CNTNAP5: variants seen among roughly 807,000 people sequenced by gnomAD.
CNTNAP5 encodes contactin associated protein family member 5, also known as contactin-associated protein-like 5.
Under a neutral mutation model 150.2 loss-of-function variants are expected in CNTNAP5, and 72 were observed. The ratio of observed to expected loss-of-function variants is 0.48; its 90% CI spans 0.40 to 0.58. The LOEUF is 0.58. Among genes scored for constraint, CNTNAP5 ranks in the 20% least tolerant of loss-of-function variants. The pLI, the probability that CNTNAP5 is intolerant of heterozygous loss-of-function variation, is 0.00. For missense variants in CNTNAP5, 1,636 were observed against 1,626.2 expected, an observed-to-expected ratio of 1.01 and a Z score of -0.10; for synonymous variants, 672 against 619.8, an observed-to-expected ratio of 1.08 and a Z score of -1.25.
intron 3 of CNTNAP5, among the ~76,000 whole-genome samples, chr2:124,291,456 T>G (rs1688291037): frequency 6.7e-6 from 1 of 149,506 alleles, no homozygotes; most frequent in African/African-American, 2.4e-5. Flanking sequence ...TTTTATCTAT[T>G]TAGAAACTAT....
intron 1 of CNTNAP5, among the ~76,000 whole-genome samples, chr2:124,105,925 A>G (rs1392345077): frequency 6.6e-6 from 1 of 152,186 alleles, no homozygotes; most frequent in Non-Finnish European, 1.5e-5. Flanking sequence ...CTATTAGTCT[A>G]CGGAGGGTAA....
At chr2:124,224,493 A>C (rs1231956825) in intron 2 of CNTNAP5, among the ~76,000 whole-genome samples, 2 of 151,886 alleles carry the variant, frequency 1.3e-5, no homozygotes, top group African/African-American at 4.8e-5. Flanking sequence ...ATGTGTATAT[A>C]ATATATAGAG....
At chr2:124,583,666 T>C (rs1468134529) in intron 11 of CNTNAP5, among the ~76,000 whole-genome samples, 5 of 152,162 alleles carry the variant, frequency 3.3e-5, no homozygotes, top group Non-Finnish European at 5.9e-5. Context: ...TTTGGGAGGT[T>C]TGGAAGGGGG....
At chr2:124,770,682 C>T (rs1681170842) in intron 16 of CNTNAP5, among the ~76,000 whole-genome samples, 1 of 152,172 alleles carries the variant, frequency 6.6e-6, no homozygotes, top group Non-Finnish European at 1.5e-5. Context: ...TTTAGTCTAA[C>T]TGCTCATCAC....
chr2:124,542,228 A>G (rs541184872), intron 10 of CNTNAP5, among the ~76,000 whole-genome samples: 1 of 148,850 alleles, frequency 6.7e-6, no homozygotes, highest in Admixed American at 6.8e-5. Context: ...CTCCCTATCT[A>G]TTTTTACCTC....
intron 11 of CNTNAP5, among the ~76,000 whole-genome samples, chr2:124,571,491 A>ACAT (rs1222503146): frequency 7.4e-6 from 1 of 135,162 alleles, no homozygotes; most frequent in Non-Finnish European, 1.6e-5. Flanking sequence ...ATGTCTAGGT[A>ACAT]CATGGTATCC....
chr2:124,320,391 C>T (rs1376335355), intron 3 of CNTNAP5, among the ~76,000 whole-genome samples: 1 of 152,128 alleles, frequency 6.6e-6, no homozygotes, highest in Non-Finnish European at 1.5e-5. Context: ...TTGCATTTCC[C>T]TGACTAATAG....
intron 21 of CNTNAP5, among the ~76,000 whole-genome samples, chr2:124,900,025 G>T (rs1275637030): frequency 2.0e-5 from 3 of 151,010 alleles, no homozygotes; most frequent in African/African-American, 4.9e-5. Context: ...ATACAGTTTG[G>T]CATTTAAAAT....
At position 124,242,228 on chromosome 2, in the gene CNTNAP5, C is replaced by T; in HGVS notation, c.216C>T (p.Ser72=). 3 of 1,597,162 alleles carry T rather than the reference C, an allele frequency of 1.9e-6. No individual in the cohort carries two copies. Among genetic ancestry groups the T allele is most frequent in the Non-Finnish European group, 2.6e-6 (3 of 1,170,990 alleles). The change falls in exon 3 of 24, where the codon TCC becomes TCT. Residue 72 remains serine (S), a synonymous_variant. Transcript: ENST00000682447. ...CTGGCGGTTGGTCCCCAGCAGATTC[C>T]AATGCTCAACAGTGGCTCCAGATGG... ...VGTGGWSPAD[S]NAQQWLQMDL... is the part of the protein sequence containing the mutation.
At chr2:124,845,419 G>A (rs938295603) in intron 19 of CNTNAP5, among the ~76,000 whole-genome samples, 11 of 150,288 alleles carry the variant, frequency 7.3e-5, no homozygotes, top group Non-Finnish European at 1.5e-4. Context: ...TATGTTCATT[G>A]GGGATATTGG....
intron 2 of CNTNAP5, among the ~76,000 whole-genome samples, chr2:124,239,332 A>G (rs1228988655): frequency 6.6e-6 from 1 of 152,118 alleles, no homozygotes; most frequent in African/African-American, 2.4e-5. Flanking sequence ...ATTAGAATAG[A>G]TGAAGGAAAA....
intron 1 of CNTNAP5, among the ~76,000 whole-genome samples, chr2:124,109,417 GC>G (rs1421627458): frequency 1.3e-5 from 2 of 152,312 alleles, no homozygotes; most frequent in South Asian, 2.1e-4. Context: ...TTCATGTGGG[GC>G]ATGACAGAGC....
chr2:124,319,609 A>G (rs1212880976), intron 3 of CNTNAP5, among the ~76,000 whole-genome samples: 1 of 151,984 alleles, frequency 6.6e-6, no homozygotes, highest in African/African-American at 2.4e-5. Flanking sequence ...TTTCCACATT[A>G]CTCATCTCCA....
At chr2:124,663,102 G>A (rs950617822) in intron 13 of CNTNAP5, among the ~76,000 whole-genome samples, 3 of 152,070 alleles carry the variant, frequency 2.0e-5, no homozygotes, top group Non-Finnish European at 2.9e-5. Context: ...AGGAACAAAC[G>A]CATGTTCAAA....
intron 1 of CNTNAP5, among the ~76,000 whole-genome samples, chr2:124,070,270 C>G (rs1412476178): frequency 2.0e-5 from 3 of 150,924 alleles, no homozygotes; most frequent in Non-Finnish European, 4.4e-5. Context: ...AAGAAAGAAG[C>G]AAAACCACAA....
intron 7 of CNTNAP5, among the ~76,000 whole-genome samples, chr2:124,487,569 T>C (rs569805354): frequency 6.6e-6 from 1 of 151,988 alleles, no homozygotes; most frequent in Non-Finnish European, 1.5e-5. Context: ...CCAAGGTAAA[T>C]GGAAGATCCA....
intron 3 of CNTNAP5, among the ~76,000 whole-genome samples, chr2:124,334,060 C>T (rs1689413323): frequency 6.6e-6 from 1 of 152,066 alleles, no homozygotes; most frequent in Non-Finnish European, 1.5e-5. Context: ...CAGTGCAGAG[C>T]TTCAGACCTC....
intron 11 of CNTNAP5, among the ~76,000 whole-genome samples, chr2:124,579,031 C>G (rs1696355253): frequency 6.6e-6 from 1 of 152,014 alleles, no homozygotes; most frequent in South Asian, 2.1e-4. Flanking sequence ...TAACCTTATA[C>G]CTTGATAGAT....
At chr2:124,071,488 A>C (rs539314189) in intron 1 of CNTNAP5, among the ~76,000 whole-genome samples, 92 of 152,040 alleles carry the variant, frequency 6.1e-4, no homozygotes, top group African/African-American at 2.1e-3. Context: ...GAAGACCCAG[A>C]TAAATAAAAT....
Sources: allele counts gnomAD v4.1 joint callset (sites outside exome capture counted in the v4.1 genomes callset), GRCh38; gene constraint gnomAD v4.1.1; transcripts MANE v1.5; gene names NCBI Gene and HGNC (gene_info 2026-07-23, HGNC 2026-07-21).